HSD17B4: variants seen among roughly 807,000 people sequenced by gnomAD.
HSD17B4 encodes the protein hydroxysteroid 17-beta dehydrogenase 4.
HSD17B4 carries 70 observed loss-of-function variants against 101.0 expected under a neutral mutation model. The observed-to-expected ratio is 0.69, with a 90% CI of 0.57 to 0.85. The LOEUF (loss-of-function observed/expected upper bound fraction) is 0.85, where lower values mean the gene tolerates loss of function less well. Among genes scored for constraint, HSD17B4 ranks in the 40% least tolerant of loss-of-function variants. The pLI is 0.00. For missense variants in HSD17B4, 984 were observed against 892.4 expected (o/e 1.10, Z -1.31); for synonymous variants, 347 against 297.1 (o/e 1.17, Z -1.73).
chr5:119,454,805 A>T (rs2126602590), intron 1 of HSD17B4, among the ~76,000 whole-genome samples: 1 of 152,120 alleles, frequency 6.6e-6, no homozygotes, highest in South Asian at 2.1e-4. Context: ...TGGTTTGAAT[A>T]GAGACGGGGT....
At chr5:119,508,218 A>G (rs1263055609) in intron 15 of HSD17B4, among the ~76,000 whole-genome samples, 4 of 137,932 alleles carry the variant, frequency 2.9e-5, no homozygotes. Flanking sequence ...CATTGAACCA[A>G]ATGTAACATA....
At chr5:119,517,029 C>T (rs557307590) in intron 17 of HSD17B4, among the ~76,000 whole-genome samples, 8 of 152,252 alleles carry the variant, frequency 5.3e-5, no homozygotes, top group Non-Finnish European at 1.0e-4. Context: ...ATCAGCCCAC[C>T]GCTGCACTGT....
intron 2 of HSD17B4, among the ~76,000 whole-genome samples, chr5:119,459,005 T>G (rs1283042419): frequency 2.6e-5 from 4 of 152,232 alleles, no homozygotes; most frequent in Non-Finnish European, 5.9e-5. Context: ...GTTCTACTCT[T>G]GAACTGAAGT....
intron 18 of HSD17B4, 55 bp from the exon 19 acceptor site, chr5:119,525,862 G>T: frequency 9.8e-7 from 1 of 1,020,872 alleles, no homozygotes; most frequent in Non-Finnish European, 1.6e-6. Context: ...AACTACACTT[G>T]ATTTTTAAAC....
intron 16 of HSD17B4, 123 bp from the exon 17 acceptor site, chr5:119,514,858 C>A: frequency 2.9e-6 from 2 of 679,486 alleles, no homozygotes; most frequent in South Asian, 3.4e-5. Flanking sequence ...TTTTTTTAAA[C>A]CCTTTTATCC....
In HSD17B4 at chr5:119,474,375, T is replaced by G. The variant is rs772663373; in HGVS notation, c.221-26T>G. ...CCTTTGGAAGGGAGGTTGCCGAAAT[T>G]TCATACAAATTTTCCTTTCCCTCAG... On this transcript the variant is annotated intron_variant, in intron 3 of 23. Transcript: ENST00000510025. 3.2e-6 allele frequency: 5 copies of G among 1,551,668 alleles called. No homozygotes were observed. The Admixed American group carries it at 8.3e-5, about 26-fold the overall frequency.
At chr5:119,475,622 A>G (rs1365287800) in intron 4 of HSD17B4, 84 bp from the exon 5 acceptor site, 2 of 1,101,374 alleles carry the variant, frequency 1.8e-6, no homozygotes, top group Non-Finnish European at 2.8e-6. Context: ...AAAAAACGCC[A>G]GTTTTGAGAG....
chr5:119,455,023 A>T (rs1754467553), intron 1 of HSD17B4, among the ~76,000 whole-genome samples: 1 of 152,234 alleles, frequency 6.6e-6, no homozygotes, highest in African/African-American at 2.4e-5. Flanking sequence ...AATTAAATTT[A>T]TTCATTTGTC....
chr5:119,523,303 A>G (rs1463675599), intron 17 of HSD17B4, among the ~76,000 whole-genome samples: 2 of 152,106 alleles, frequency 1.3e-5, no homozygotes, highest in Non-Finnish European at 2.9e-5. Context: ...AAAATAATAT[A>G]TAGCTATTTT....
At chr5:119,470,786 C>T (rs1756288217) in intron 2 of HSD17B4, among the ~76,000 whole-genome samples, 1 of 152,148 alleles carries the variant, frequency 6.6e-6, no homozygotes, top group Non-Finnish European at 1.5e-5. Context: ...AAGGATTGGG[C>T]ACCTCTAGTT....
intron 17 of HSD17B4, 56 bp from the exon 18 acceptor site, chr5:119,525,160 T>G (rs903430799): frequency 8.4e-7 from 1 of 1,190,744 alleles, no homozygotes. Context: ...CTATTTTTCA[T>G]TTAATGTATT....
At chr5:119,471,567 T>G in intron 2 of HSD17B4, 1 of 610,616 alleles carries the variant, frequency 1.6e-6, no homozygotes. Flanking sequence ...ATTGTGTTAA[T>G]CATAACTATT....
At chr5:119,506,684 C>G (rs566356270) in intron 14 of HSD17B4, 134 bp from the exon 15 acceptor site, 670 of 564,622 alleles carry the variant, frequency 1.2e-3, no homozygotes, top group Non-Finnish European at 1.7e-3. Context: ...ATCTGTTGTT[C>G]AGGAACACTA....
chr5:119,486,637 A>G (rs1162269680), intron 8 of HSD17B4, among the ~76,000 whole-genome samples: 1 of 152,078 alleles, frequency 6.6e-6, no homozygotes, highest in Non-Finnish European at 1.5e-5. Flanking sequence ...AGCTCATTCG[A>G]TTATATTGCT....
At chr5:119,455,720 C>T (rs1754565825) in intron 1 of HSD17B4, among the ~76,000 whole-genome samples, 15 of 151,966 alleles carry the variant, frequency 9.9e-5, no homozygotes, top group Admixed American at 8.5e-4. Flanking sequence ...GCAAAGGATT[C>T]AATACAGGCA....
chr5:119,525,823 G>A, intron 18 of HSD17B4, 94 bp from the exon 19 acceptor site: 2 of 778,540 alleles, frequency 2.6e-6, no homozygotes, highest in Non-Finnish European at 4.7e-6. Flanking sequence ...TGCTAATGCA[G>A]TCTAAGGACA....
intron 18 of HSD17B4, 147 bp from the exon 19 acceptor site, chr5:119,525,769 TA>T (rs1245993143): frequency 4.9e-6 from 3 of 610,630 alleles, no homozygotes; most frequent in Admixed American, 3.0e-5. Context: ...AAATACTCTT[TA>T]AAAAATATCT....
chr5:119,459,315 A>G (rs2126624388), intron 2 of HSD17B4, among the ~76,000 whole-genome samples: 1 of 152,304 alleles, frequency 6.6e-6, no homozygotes. Context: ...TAAATGACAA[A>G]AAATTAAAGA....
Position 119,542,115 on chromosome 5 carries a change from A to C in HSD17B4, c.*121A>C. ...GCAGGGGAAATTGCTTAACATTTTC[A>C]GATATCAGATAACTGCAGATTTTCA... On this transcript the variant is annotated 3_prime_UTR_variant, in exon 24 of 24. Transcript: ENST00000510025. 1 of 708,976 alleles carries C rather than the reference A, an allele frequency of 1.4e-6. No homozygotes were observed. The highest frequency in any genetic ancestry group is 2.6e-6 in the Non-Finnish European group (1 of 391,594). The allele number at this position is 708,976 out of a possible 1,614,324, so 43.9% of individuals were successfully genotyped here.
Sources: allele counts gnomAD v4.1 joint callset (sites outside exome capture counted in the v4.1 genomes callset), GRCh38; gene constraint gnomAD v4.1.1; transcripts MANE v1.5; gene names NCBI Gene and HGNC (gene_info 2026-07-23, HGNC 2026-07-21).